RAD17: variants seen among roughly 807,000 people sequenced by gnomAD.
The protein encoded by RAD17 is RAD17 checkpoint clamp loader component, also known as cell cycle checkpoint protein RAD17.
A neutral mutation model predicts 81.5 loss-of-function variants in RAD17; 31 were observed. That is an observed-to-expected ratio of 0.38 (90% confidence interval 0.29 to 0.51). The LOEUF (loss-of-function observed/expected upper bound fraction) is 0.51, where lower values mean the gene tolerates loss of function less well. RAD17 is among the 20% of genes least tolerant of loss of function. RAD17 has a pLI of 0.88. For synonymous variants in RAD17, 261 were observed against 266.2 expected, an observed-to-expected ratio of 0.98 and a Z score of 0.19; for missense variants, 681 against 781.2, an observed-to-expected ratio of 0.87 and a Z score of 1.53.
At chr5:69,404,167 G>A (rs931130357) in intron 17 of RAD17, among the ~76,000 whole-genome samples, 1 of 152,038 alleles carries the variant, frequency 6.6e-6, no homozygotes, top group Non-Finnish European at 1.5e-5. Context: ...CAGATTCTGG[G>A]ATCACATCTC....
At chr5:69,386,536 TGAA>T (rs1239524736) in intron 11 of RAD17, 71 bp downstream of exon 11, 1 of 1,369,786 alleles carries the variant, frequency 7.3e-7, no homozygotes, top group Non-Finnish European at 9.5e-7. Context: ...TTATGTAAAC[TGAA>T]GGAGTGTTAT....
intron 17 of RAD17, among the ~76,000 whole-genome samples, chr5:69,407,648 C>T (rs1156230949): frequency 7.5e-6 from 1 of 132,632 alleles, no homozygotes; most frequent in Non-Finnish European, 1.6e-5. Context: ...ACCATCTCAG[C>T]TCACTGCAAT....
chr5:69,377,480 C>T lies in RAD17; in HGVS notation c.351+2769C>T, dbSNP rs1292155623. Among the ~76,000 whole-genome samples, 80 of 63,048 alleles carry T rather than the reference C, an allele frequency of 1.3e-3. 20 individuals carry two copies. Among genetic ancestry groups the T allele is most frequent in the African/African-American group, 3.1e-3 (57 of 18,576 alleles). The allele number at this position is 63,048 out of a possible 152,430, so 41.4% of individuals were successfully genotyped here. ...ATATATATATATATATATATACACA[C>T]ACACACATATATATACGTATATATA... On this transcript the variant is annotated intron_variant, in intron 6 of 18. Transcript: ENST00000354868.
At position 69,371,203 on chromosome 5, in the gene RAD17, T is replaced by G. The variant is rs1283532669; in HGVS notation, c.-280+32T>G. The G allele has an allele frequency of 3.3e-5, 17 of 514,146 alleles. 1 individual carries two copies. In the Admixed American group the frequency reaches 4.2e-4, roughly 13 times the overall value. The allele number at this position is 514,146 out of a possible 1,614,324, so 31.8% of individuals were successfully genotyped here. A position where few individuals can be genotyped will look rare whatever the true frequency, so the allele number is the denominator to read the frequency against. On this transcript the variant is annotated intron_variant, in intron 2 of 18. Coordinates refer to ENST00000354868, the MANE Select transcript of RAD17 (RefSeq NM_133338.3). ...ACATAGTATGTGTGGTTTTTTTGTT[T>G]TTTTTTTTCTAATACATCATTGAGT...
In RAD17 at chr5:69,371,473, A is replaced by G; in HGVS notation, c.-260A>G. The G allele has an allele frequency of 1.8e-6, 1 of 543,884 alleles. No homozygotes were observed. Among genetic ancestry groups the G allele is most frequent in the Non-Finnish European group, 2.8e-6 (1 of 357,044 alleles). The allele number at this position is 543,884 out of a possible 1,614,324, so 33.7% of individuals were successfully genotyped here. ...CCCCAGGTGAATTATAGTTTAATGTACTGCAAGTCCTAAACTACGGATGGG... is the reference window on the plus strand; with the variant it reads ...CCCCAGGTGAATTATAGTTTAATGTGCTGCAAGTCCTAAACTACGGATGGG... On this transcript the variant is annotated 5_prime_UTR_variant, in exon 3 of 19. Transcript: ENST00000354868.
chr5:69,384,855 A>G lies in RAD17; in HGVS notation c.567A>G (p.Leu189=), dbSNP rs746551182. The change falls in exon 8 of 19, where the codon CTA becomes CTG. Residue 189 remains leucine (L), a synonymous_variant. Coordinates refer to ENST00000354868, the MANE Select transcript of RAD17 (RefSeq NM_133338.3). ...AGATAGCAGTTTTCAAAGAGTTTCT[A>G]CTAAGAGCGACAAAGTATAACAAGT... is the stretch of plus-strand genomic sequence containing the variant. The part of the protein sequence containing the change: ...QSQIAVFKEF[L]LRATKYNKLQ... 118 of 1,612,516 alleles carry G rather than the reference A, an allele frequency of 7.3e-5. No homozygotes were observed. The East Asian group carries it at 2.6e-3, about 36-fold the overall frequency.
At chr5:69,376,856 C>T (rs1032588142) in intron 6 of RAD17, among the ~76,000 whole-genome samples, 12 of 151,896 alleles carry the variant, frequency 7.9e-5, no homozygotes, top group Admixed American at 6.6e-4. Flanking sequence ...TGGGTTCAAG[C>T]GATTCTCCTA....
At chr5:69,379,477 C>T (rs546092203) in intron 6 of RAD17, among the ~76,000 whole-genome samples, 10 of 152,100 alleles carry the variant, frequency 6.6e-5, no homozygotes, top group Non-Finnish European at 1.3e-4. Flanking sequence ...TTAACCTTCA[C>T]TTACTGGAAC....
At chr5:69,369,322 G>A (rs901160778), upstream of RAD17, 11 of 716,568 alleles carry the variant, frequency 1.5e-5, no homozygotes, top group Non-Finnish European at 2.1e-5. Context: ...GTCGGCTCCC[G>A]GGGCGCTGAC....
chr5:69,391,071 T>C (rs2150829919), intron 12 of RAD17, among the ~76,000 whole-genome samples: 1 of 152,042 alleles, frequency 6.6e-6, no homozygotes, highest in Non-Finnish European at 1.5e-5. Flanking sequence ...ACCTCATCTC[T>C]GCTAAAAATA....
intron 17 of RAD17, among the ~76,000 whole-genome samples, chr5:69,407,782 C>T (rs1314791306): frequency 6.6e-6 from 1 of 151,976 alleles, no homozygotes; most frequent in Non-Finnish European, 1.5e-5. Flanking sequence ...GAACTCCTGA[C>T]CTCAGGTGAT....
chr5:69,399,572 T>TC (rs1462486288), intron 16 of RAD17, among the ~76,000 whole-genome samples: 9 of 152,230 alleles, frequency 5.9e-5, no homozygotes, highest in Non-Finnish European at 1.0e-4. Context: ...CTCATTGACT[T>TC]GCTTTGTCTT....
intron 6 of RAD17, among the ~76,000 whole-genome samples, chr5:69,377,358 A>G (rs529759173): frequency 8.1e-5 from 12 of 147,470 alleles, no homozygotes; most frequent in Non-Finnish European, 1.3e-4. Flanking sequence ...AAACATTGTC[A>G]CATCATAAAC....
chr5:69,377,562 T>TATATATGCATATATATGTATAC (rs1554038714), intron 6 of RAD17, among the ~76,000 whole-genome samples: 1 of 3,618 alleles, frequency 2.8e-4, no homozygotes, highest in African/African-American at 7.5e-4. Context: ...TATATATGTA[T>TATATATGCATATATATGTATAC]ATATATATGC....
At chr5:69,405,278 C>T (rs1303861389) in intron 17 of RAD17, among the ~76,000 whole-genome samples, 4 of 148,962 alleles carry the variant, frequency 2.7e-5, no homozygotes, top group East Asian at 2.0e-4. Flanking sequence ...CTGAGGCGGG[C>T]GGATCACGAG....
chr5:69,400,055 G>C lies in RAD17; in HGVS notation c.1579G>C (p.Glu527Gln). The change falls in exon 17 of 19, where the codon GAA (glutamate) becomes CAA (glutamine). Residue 527 changes from glutamate to glutamine, a missense_variant. Physicochemically the swap from Glu to Gln is conservative, Grantham distance 29. Coordinates refer to ENST00000354868, the MANE Select transcript of RAD17 (RefSeq NM_133338.3). ...QWFLINKKYRENCLAAKALFP... is the reference protein window; with the variant it reads ...QWFLINKKYRQNCLAAKALFP... ...TTTTTTCTTTTCTATACAGTATCGG[G>C]AAAATTGCCTGGCAGCAAAAGCACT... 1 of 1,585,278 alleles carries C rather than the reference G, an allele frequency of 6.3e-7. No homozygotes were observed. Among genetic ancestry groups the C allele is most frequent in the East Asian group, 2.3e-5 (1 of 44,286 alleles).
chr5:69,384,716 A>G, intron 7 of RAD17, 81 bp from the exon 8 acceptor site: 1 of 1,258,392 alleles, frequency 7.9e-7, no homozygotes, highest in East Asian at 2.4e-5. Context: ...TGCATCAAGT[A>G]TGTGTGTGTG....
intron 15 of RAD17, 145 bp from the exon 16 acceptor site, chr5:69,396,252 G>T: frequency 3.8e-6 from 3 of 779,484 alleles, no homozygotes; most frequent in Non-Finnish European, 5.7e-6. Flanking sequence ...TAAGTTTATA[G>T]TGCTGTTATT....
chr5:69,402,102 C>T (rs1765311507), intron 17 of RAD17, among the ~76,000 whole-genome samples: 1 of 146,634 alleles, frequency 6.8e-6, no homozygotes, highest in Non-Finnish European at 1.5e-5. Context: ...GGCTGGAGTG[C>T]AATGGCATGA....
Sources: gnomAD v4.1 joint callset for allele counts (sites outside exome capture counted in the v4.1 genomes callset) on GRCh38, gnomAD v4.1.1 for gene constraint, MANE v1.5 for transcripts, NCBI Gene and HGNC (gene_info 2026-07-23, HGNC 2026-07-21) for gene names.